ABTB2: variants seen among roughly 807,000 people sequenced by gnomAD.
The protein encoded by ABTB2 is ankyrin repeat and BTB domain containing 2.
A neutral mutation model predicts 104.1 loss-of-function variants in ABTB2; 56 were observed. The observed-to-expected ratio is 0.54, with a 90% CI of 0.43 to 0.67. The LOEUF is 0.67. Among genes scored for constraint, ABTB2 ranks in the 30% least tolerant of loss-of-function variants. The pLI, the probability that ABTB2 is intolerant of heterozygous loss-of-function variation, is 0.00. For missense variants in ABTB2, 1,279 were observed against 1,407.7 expected (o/e 0.91, Z 1.46); for synonymous variants, 606 against 608.2 (o/e 1.00, Z 0.05).
At chr11:34,155,850 C>T (rs529684029) in intron 14 of ABTB2, among the ~76,000 whole-genome samples, 7 of 152,222 alleles carry the variant, frequency 4.6e-5, no homozygotes, top group Non-Finnish European at 8.8e-5. Context: ...AGTAAGTGTC[C>T]GTCTGCTCCC....
At chr11:34,246,270 A>C (rs1230169122) in intron 1 of ABTB2, among the ~76,000 whole-genome samples, 1 of 152,210 alleles carries the variant, frequency 6.6e-6, no homozygotes, top group Non-Finnish European at 1.5e-5. Flanking sequence ...GTTCTTATCC[A>C]AACTTCGATA....
At chr11:34,185,647 A>T (rs1450257136) in intron 3 of ABTB2, among the ~76,000 whole-genome samples, 1 of 152,188 alleles carries the variant, frequency 6.6e-6, no homozygotes. Flanking sequence ...GTTCTAAAAA[A>T]CAACCATTCT....
chr11:34,201,764 C>T (rs777380724), intron 2 of ABTB2, among the ~76,000 whole-genome samples: 3 of 152,226 alleles, frequency 2.0e-5, no homozygotes, highest in Non-Finnish European at 2.9e-5. Flanking sequence ...AAGGGAGGAA[C>T]AGGGCAACTT....
At chr11:34,245,657 C>T (rs771712906) in intron 1 of ABTB2, among the ~76,000 whole-genome samples, 3 of 152,270 alleles carry the variant, frequency 2.0e-5, no homozygotes, top group South Asian at 2.1e-4. Flanking sequence ...GGGTGGCTCA[C>T]GGGGCTGCCA....
chr11:34,279,787 CTTT>C (rs397849748), intron 1 of ABTB2, among the ~76,000 whole-genome samples: 3 of 129,550 alleles, frequency 2.3e-5, no homozygotes, highest in Admixed American at 8.3e-5. Flanking sequence ...CTTTCTTCTT[CTTT>C]TTTTTTTTTT....
intron 1 of ABTB2, among the ~76,000 whole-genome samples, chr11:34,304,964 C>T (rs914920261): frequency 6.6e-6 from 1 of 152,220 alleles, no homozygotes; most frequent in Non-Finnish European, 1.5e-5. Context: ...TCATGGACCA[C>T]TCAAAGTGTT....
intron 1 of ABTB2, among the ~76,000 whole-genome samples, chr11:34,245,013 A>G (rs1554985874): frequency 6.6e-6 from 1 of 152,152 alleles, no homozygotes; most frequent in Non-Finnish European, 1.5e-5. Context: ...GTCTCAAAAA[A>G]TTTTCAAAAA....
intron 14 of ABTB2, among the ~76,000 whole-genome samples, chr11:34,158,944 T>G (rs1272607343): frequency 6.6e-5 from 10 of 152,118 alleles, no homozygotes; most frequent in Non-Finnish European, 1.5e-4. Context: ...GGCTCTGCAT[T>G]TCCAACAAGC....
chr11:34,335,270 G>C, intron 1 of ABTB2: 1 of 1,296,992 alleles, frequency 7.7e-7, no homozygotes, highest in Non-Finnish European at 1.1e-6. Context: ...GCATTCATCA[G>C]TTTCAAAAAG....
chr11:34,158,256 A>G (rs1212897254), intron 14 of ABTB2, among the ~76,000 whole-genome samples: 1 of 152,170 alleles, frequency 6.6e-6, no homozygotes, highest in Non-Finnish European at 1.5e-5. Flanking sequence ...TATTAAAAAT[A>G]CAAAAAATTA....
intron 10 of ABTB2, 59 bp from the exon 11 acceptor site, chr11:34,161,140 G>A: frequency 6.8e-7 from 1 of 1,479,532 alleles, no homozygotes; most frequent in South Asian, 1.3e-5. Context: ...TCCCGGCACA[G>A]ACCACAGCCT....
chr11:34,343,574 A>G (rs977066445), intron 1 of ABTB2, among the ~76,000 whole-genome samples: 4 of 152,040 alleles, frequency 2.6e-5, no homozygotes, highest in African/African-American at 9.7e-5. Context: ...TCCCAGGGTC[A>G]GGTAGTTCTC....
intron 10 of ABTB2, 80 bp from the exon 11 acceptor site, chr11:34,161,161 G>T: frequency 1.4e-6 from 2 of 1,385,302 alleles, no homozygotes; most frequent in Non-Finnish European, 1.9e-6. Flanking sequence ...TTTCTGGGCA[G>T]ACTCTCTCGG....
At chr11:34,249,720 C>G (rs1854032509) in intron 1 of ABTB2, among the ~76,000 whole-genome samples, 1 of 152,228 alleles carries the variant, frequency 6.6e-6, no homozygotes, top group Admixed American at 6.5e-5. Context: ...TCACAGCTTA[C>G]TGCAGCCTTG....
chr11:34,322,996 G>A (rs1276160511), intron 1 of ABTB2, among the ~76,000 whole-genome samples: 1 of 152,172 alleles, frequency 6.6e-6, no homozygotes, highest in Non-Finnish European at 1.5e-5. Flanking sequence ...TGCAACCTCT[G>A]CCTCCTGGGT....
intron 1 of ABTB2, among the ~76,000 whole-genome samples, chr11:34,295,039 C>A (rs1167609324): frequency 6.6e-6 from 1 of 152,058 alleles, no homozygotes; most frequent in Non-Finnish European, 1.5e-5. Flanking sequence ...TAAACATTAG[C>A]CAGGCATGGA....
intron 1 of ABTB2, among the ~76,000 whole-genome samples, chr11:34,283,316 A>G (rs60071259): frequency 0.041 from 6,191 of 151,984 alleles, 433 homozygotes; most frequent in African/African-American, 0.14. Flanking sequence ...CCTGGGTTCA[A>G]GTGATTCTCA....
intron 16 of ABTB2, 93 bp from the exon 17 acceptor site, chr11:34,152,677 C>G: frequency 8.0e-7 from 1 of 1,254,010 alleles, no homozygotes; most frequent in Non-Finnish European, 1.1e-6. Context: ...TGGCCACAGC[C>G]CTGATTAAGC....
rs1590203109 is a variant in ABTB2 at position 34,162,779 on chromosome 11, T to C, written c.2015A>G (p.Gln672Arg). The change falls in exon 10 of 17, where the codon CAG becomes CGG. Residue 672 changes from glutamine to arginine, a missense_variant. Transcript: ENST00000435224. ...CACGTCCGCTTTAGCCTGCTGTGGC[T>C]GCGTCAGGAGCTTCCTCAGGACGTT... ...HRNVLRKLLT[Q>R]PQQAKADVLS... The C allele has an allele frequency of 6.2e-7, 1 of 1,606,678 alleles. No homozygotes were observed. The highest frequency in any genetic ancestry group is 8.5e-7 in the Non-Finnish European group (1 of 1,179,910).
Sources: gnomAD v4.1 joint callset for allele counts (sites outside exome capture counted in the v4.1 genomes callset) on GRCh38, gnomAD v4.1.1 for gene constraint, MANE v1.5 for transcripts, NCBI Gene and HGNC (gene_info 2026-07-23, HGNC 2026-07-21) for gene names.